The following CLCA4 variants were observed in gnomAD, a reference collection of about 807,000 sequenced individuals.
CLCA4 encodes calcium-activated chloride channel regulator 4.
Under a neutral mutation model 78.9 loss-of-function variants are expected in CLCA4, and 69 were observed. The ratio of observed to expected loss-of-function variants is 0.87; its 90% confidence interval spans 0.72 to 1.07. CLCA4 has a LOEUF of 1.07. CLCA4 is among the 50% of genes least tolerant of loss of function. CLCA4 has a pLI of 0.00. For missense variants in CLCA4, 1,133 were observed against 1,095.8 expected (o/e 1.03, Z -0.48); for synonymous variants, 362 against 375.8 (o/e 0.96, Z 0.42).
chr1:86,561,926 G>T (rs150152194), intron 3 of CLCA4, among the ~76,000 whole-genome samples: 1,850 of 152,146 alleles, frequency 0.012, 19 homozygotes, highest in Middle Eastern at 0.044. Flanking sequence ...AAACAGTAAG[G>T]TTTTTGGATA....
chr1:86,549,932 G>T (rs1038123851), intron 1 of CLCA4, among the ~76,000 whole-genome samples: 1 of 152,176 alleles, frequency 6.6e-6, no homozygotes, highest in East Asian at 1.9e-4. Flanking sequence ...GAAGAGAAAG[G>T]CTCCAGGACT....
At chr1:86,558,340 T>G (rs904461300) in intron 1 of CLCA4, among the ~76,000 whole-genome samples, 2 of 152,196 alleles carry the variant, frequency 1.3e-5, no homozygotes, top group African/African-American at 4.8e-5. Context: ...TTGTATTAGC[T>G]GGTAACAGTC....
chr1:86,563,763 C>A lies in CLCA4; in HGVS notation c.551C>A (p.Ala184Glu). 1.3e-6 allele frequency: 2 copies of A among 1,584,920 alleles called. No homozygotes were observed. The highest frequency in any genetic ancestry group is 1.7e-6 in the Non-Finnish European group (2 of 1,157,308). The change falls in exon 4 of 14, where the codon GCA becomes GAA. Residue 184 changes from alanine to glutamate, a missense_variant. Physicochemically the swap from Ala to Glu is moderately radical, Grantham distance 107 (BLOSUM62 -1). Coordinates refer to ENST00000370563, the MANE Select transcript of CLCA4 (RefSeq NM_012128.4). ...CGTGCTAAGTCAAAAAAAATCGAAG[C>A]AACAAGGCATGGCTATTTAAATTTT... ...FYRAKSKKIEATRCSAGISGR... is the reference protein window; with the variant it reads ...FYRAKSKKIEETRCSAGISGR...
In CLCA4 at chr1:86,571,193, T is replaced by C; in HGVS notation, c.1299T>C (p.Val433=). The C allele has an allele frequency of 1.2e-6, 2 of 1,613,066 alleles. No homozygotes were observed. The highest frequency in any genetic ancestry group is 1.7e-6 in the Non-Finnish European group (2 of 1,179,264). The change falls in exon 8 of 14, where the codon GTT becomes GTC. Residue 433 remains valine, a synonymous_variant. Transcript: ENST00000370563. The part of the protein sequence containing the change: ...IDEVKQSGAI[V]HFIALGRAAD... ...AAGTGAAACAAAGTGGGGCCATTGT[T>C]CATTTTATTGCTTTGGGAAGAGCTG...
chr1:86,548,755 T>C (rs1479512360), intron 1 of CLCA4, among the ~76,000 whole-genome samples: 1 of 148,484 alleles, frequency 6.7e-6, no homozygotes, highest in Non-Finnish European at 1.5e-5. Context: ...ACAAAGTTAA[T>C]AGTTAATAAT....
At chr1:86,578,283 A>T (rs1030628412) in intron 12 of CLCA4, among the ~76,000 whole-genome samples, 4 of 152,040 alleles carry the variant, frequency 2.6e-5, no homozygotes, top group African/African-American at 4.8e-5. Context: ...GCACTCAAAA[A>T]AGGTCAATTA....
At chr1:86,551,461 G>A (rs1649660245) in intron 1 of CLCA4, among the ~76,000 whole-genome samples, 1 of 152,176 alleles carries the variant, frequency 6.6e-6, no homozygotes, top group South Asian at 2.1e-4. Context: ...ACACAAGAGG[G>A]GTGAGGCGGG....
intron 1 of CLCA4, chr1:86,552,883 T>C (rs1446284944): frequency 2.8e-6 from 2 of 710,354 alleles, no homozygotes; most frequent in East Asian, 5.1e-5. Flanking sequence ...AAGCTTCCTC[T>C]GTTTTCTTGA....
intron 7 of CLCA4, among the ~76,000 whole-genome samples, chr1:86,569,825 G>T (rs1174185591): frequency 6.6e-6 from 1 of 151,886 alleles, no homozygotes; most frequent in Non-Finnish European, 1.5e-5. Context: ...ATTAATATAT[G>T]AATGTAGGAA....
intron 4 of CLCA4, among the ~76,000 whole-genome samples, chr1:86,565,055 A>G (rs180973833): frequency 6.6e-6 from 1 of 152,250 alleles, no homozygotes; most frequent in Admixed American, 6.5e-5. Flanking sequence ...CATTGTGTTT[A>G]TCTGGAGGCC....
intron 3 of CLCA4, 29 bp from the exon 4 acceptor site, chr1:86,563,632 G>C (rs748335594): frequency 9.0e-7 from 1 of 1,108,134 alleles, no homozygotes; most frequent in Non-Finnish European, 1.3e-6. Flanking sequence ...CTTGGATTAT[G>C]ATCATGTATT....
intron 1 of CLCA4, among the ~76,000 whole-genome samples, chr1:86,556,532 T>C (rs1478993115): frequency 2.0e-5 from 3 of 152,184 alleles, no homozygotes; most frequent in African/African-American, 7.2e-5. Context: ...CTGGAGATGA[T>C]GCTTACTTGA....
At chr1:86,552,921 C>A in intron 1 of CLCA4, 1 of 663,990 alleles carries the variant, frequency 1.5e-6, no homozygotes, top group South Asian at 1.7e-5. Context: ...GACGCTCCTC[C>A]CTCTGCGGGT....
In CLCA4 at chr1:86,563,739, G is replaced by T. The variant is rs368121159; in HGVS notation, c.527G>T (p.Arg176Leu). Residue 176 changes from arginine to leucine, a missense_variant, in exon 4 of 14, where the codon CGT becomes CTT. Coordinates refer to ENST00000370563, the MANE Select transcript of CLCA4 (RefSeq NM_012128.4). Reference protein sequence around the residue: ...DEYNEDQPFYRAKSKKIEATR... With the variant: ...DEYNEDQPFYLAKSKKIEATR... ...TACAATGAAGATCAGCCTTTCTACC[G>T]TGCTAAGTCAAAAAAAATCGAAGCA... 3.7e-6 allele frequency: 6 copies of T among 1,607,964 alleles called. No individual in the cohort carries two copies. The Admixed American group carries it at 5.1e-5, about 14-fold the overall frequency.
chr1:86,568,471 C>A (rs979491680), intron 7 of CLCA4, among the ~76,000 whole-genome samples: 1 of 150,758 alleles, frequency 6.6e-6, no homozygotes, highest in Admixed American at 6.6e-5. Context: ...CATCTTGAGC[C>A]CACAATTAAT....
At chr1:86,578,141 C>A in intron 12 of CLCA4, 69 bp downstream of exon 12, 1 of 1,375,690 alleles carries the variant, frequency 7.3e-7, no homozygotes, top group Admixed American at 2.4e-5. Context: ...TATAATTAGG[C>A]TTCAAACAGG....
At chr1:86,555,472 C>T (rs1649810839) in intron 1 of CLCA4, among the ~76,000 whole-genome samples, 1 of 152,108 alleles carries the variant, frequency 6.6e-6, no homozygotes, top group South Asian at 2.1e-4. Context: ...TTCCCCATTG[C>T]TTGTTTTTGT....
intron 1 of CLCA4, among the ~76,000 whole-genome samples, chr1:86,554,916 C>A (rs563765587): frequency 9.8e-4 from 147 of 149,338 alleles, no homozygotes; most frequent in African/African-American, 3.4e-3. Flanking sequence ...GAGATGATAT[C>A]TCATGGTGGG....
Position 86,580,059 on chromosome 1 carries a change from GC to G in CLCA4, c.2475del (p.Phe826LeufsTer23). ...LSPKEANSKESFAFKPENISE... is the reference protein window; with the variant it reads ...LSPKEANSKEXFAFKPENISE... Reference sequence around the variant, plus strand: ...CCAAAGGAGGCCAACTCCAAGGAAAGCTTTGCATTTAAACCAGAAAATATCT... The same window carrying G: ...CCAAAGGAGGCCAACTCCAAGGAAAGTTTGCATTTAAACCAGAAAATATCT... On this transcript the variant is annotated frameshift_variant, in exon 14 of 14. Coordinates refer to ENST00000370563, the MANE Select transcript of CLCA4 (RefSeq NM_012128.4). LOFTEE classifies it low-confidence loss of function (END_TRUNC). 1 of 1,612,910 alleles carries G rather than the reference GC, an allele frequency of 6.2e-7. No homozygotes were observed. The highest frequency in any genetic ancestry group is 8.5e-7 in the Non-Finnish European group (1 of 1,179,426).
Sources: allele counts gnomAD v4.1 joint callset (sites outside exome capture counted in the v4.1 genomes callset), GRCh38; gene constraint gnomAD v4.1.1; transcripts MANE v1.5; gene names NCBI Gene and HGNC (gene_info 2026-07-23, HGNC 2026-07-21).